The following ARHGAP28 variants were observed in gnomAD, a reference collection of about 807,000 sequenced individuals.
ARHGAP28 encodes rho GTPase-activating protein 28.
ARHGAP28 carries 56 observed loss-of-function variants against 90.7 expected under a neutral mutation model. The observed-to-expected ratio is 0.62, with a 90% CI of 0.50 to 0.77. ARHGAP28 has a LOEUF of 0.77. Among genes scored for constraint, ARHGAP28 ranks in the 30% least tolerant of loss-of-function variants. The probability of loss-of-function intolerance (pLI) is 0.00; values close to 1 mark genes in which losing one functional copy is unlikely to be tolerated. For missense variants in ARHGAP28, 869 were observed against 900.9 expected, an observed-to-expected ratio of 0.96 and a Z score of 0.45; for synonymous variants, 308 against 323.3, an observed-to-expected ratio of 0.95 and a Z score of 0.51.
At position 6,870,843 on chromosome 18, in the gene ARHGAP28, C is replaced by T. The variant is rs557067661; in HGVS notation, c.954+111C>T. On this transcript the variant is annotated intron_variant, in intron 7 of 17. Transcript: ENST00000383472. ...GAGACGGAGTCTCGCTCTATTGCCCCAGGCTGGAGTGCAGTGGCGCGATCT... is the reference window on the plus strand; with the variant it reads ...GAGACGGAGTCTCGCTCTATTGCCCTAGGCTGGAGTGCAGTGGCGCGATCT... 2.9e-4 allele frequency: 347 copies of T among 1,201,728 alleles called. 1 individual carries two copies. Among genetic ancestry groups the T allele is most frequent in the South Asian group, 2.2e-3 (144 of 64,866 alleles). The allele number at this position is 1,201,728 out of a possible 1,614,324, so 74.4% of individuals were successfully genotyped here. A position where few individuals can be genotyped will look rare whatever the true frequency, so the allele number is the denominator to read the frequency against.
chr18:6,873,496 CTGAT>C lies in ARHGAP28; in HGVS notation c.1046_1049del (p.Ile349AsnfsTer2), dbSNP rs2057105836. The C allele has an allele frequency of 6.2e-7, 1 of 1,614,206 alleles. No homozygotes were observed. Among genetic ancestry groups the C allele is most frequent in the South Asian group, 1.1e-5 (1 of 91,084 alleles). On this transcript the variant is annotated frameshift_variant, in exon 8 of 18. Transcript: ENST00000383472. LOFTEE classifies it high-confidence loss of function. ...CATGAAGAAAATCCGCCATCTCTCT[CTGAT>C]TGAATTGACTGCCTTTTTTGATGCC... is the stretch of plus-strand genomic sequence containing the variant.
At chr18:6,854,339 A>G (rs1165371377) in intron 4 of ARHGAP28, among the ~76,000 whole-genome samples, 1 of 152,056 alleles carries the variant, frequency 6.6e-6, no homozygotes, top group Non-Finnish European at 1.5e-5. Context: ...TTTAAATTTT[A>G]TAAGTTTTGA....
rs2057304751 is a variant in ARHGAP28 at position 6,896,392 on chromosome 18, T to C, written c.1906-110T>C. The C allele has an allele frequency of 4.1e-6, 5 of 1,221,186 alleles. No individual in the cohort carries two copies. The South Asian group carries it at 7.5e-5, about 18-fold the overall frequency. 75.6% of individuals were successfully genotyped at this position (1,221,186 alleles called of 1,614,324 possible). On this transcript the variant is annotated intron_variant, in intron 15 of 17. Coordinates refer to ENST00000383472, the MANE Select transcript of ARHGAP28 (RefSeq NM_001366230.1). The stretch of plus-strand genomic sequence containing the variant: ...TTCTGGTTAATGTTGATCATAGTGA[T>C]GTGTTTTCCTAATTCAGAGTAGCAC...
intron 5 of ARHGAP28, among the ~76,000 whole-genome samples, chr18:6,867,594 A>T (rs930308732): frequency 2.0e-5 from 3 of 152,144 alleles, no homozygotes; most frequent in Non-Finnish European, 2.9e-5. Flanking sequence ...ATTTCAATTT[A>T]AAAAATACCA....
intron 5 of ARHGAP28, among the ~76,000 whole-genome samples, chr18:6,864,266 A>G (rs763699512): frequency 2.0e-5 from 3 of 152,022 alleles, no homozygotes; most frequent in Non-Finnish European, 4.4e-5. Flanking sequence ...GGGTTTCACC[A>G]TATTAGCCAG....
chr18:6,782,206 G>A (rs532681098), intron 1 of ARHGAP28, among the ~76,000 whole-genome samples: 2 of 152,088 alleles, frequency 1.3e-5, no homozygotes, highest in South Asian at 2.1e-4. Context: ...TTTAGGGAGT[G>A]GGGGGTTGAG....
chr18:6,851,395 C>T (rs1033068219), intron 4 of ARHGAP28, among the ~76,000 whole-genome samples: 5 of 151,972 alleles, frequency 3.3e-5, no homozygotes, highest in African/African-American at 1.2e-4. Context: ...TTCTAGATAC[C>T]CTATAGAATG....
intron 1 of ARHGAP28, among the ~76,000 whole-genome samples, chr18:6,782,651 T>C (rs1600179005): frequency 7.7e-6 from 1 of 129,212 alleles, no homozygotes; most frequent in South Asian, 2.8e-4. Context: ...GGTTTCACCA[T>C]GTTGACCAGG....
chr18:6,869,253 CTTTTTTTTTTTTTTT>C (rs61280250), intron 6 of ARHGAP28, among the ~76,000 whole-genome samples: 1 of 68,040 alleles, frequency 1.5e-5, no homozygotes, highest in South Asian at 5.9e-4. Context: ...TTTTGCCATT[CTTTTTTTTTTTTTTT>C]TTTTTTTTTG....
intron 4 of ARHGAP28, among the ~76,000 whole-genome samples, chr18:6,859,161 G>T (rs2143373814): frequency 6.6e-6 from 1 of 152,106 alleles, no homozygotes; most frequent in Non-Finnish European, 1.5e-5. Flanking sequence ...CATAGAATCT[G>T]CTAAAAAAAA....
chr18:6,844,855 G>A (rs577028670), intron 3 of ARHGAP28, among the ~76,000 whole-genome samples: 2 of 152,194 alleles, frequency 1.3e-5, no homozygotes, highest in African/African-American at 4.8e-5. Context: ...TTAAACTCAG[G>A]AATAAATAAA....
chr18:6,735,548 T>C (rs1159038673), intron 1 of ARHGAP28, among the ~76,000 whole-genome samples: 1 of 146,310 alleles, frequency 6.8e-6, no homozygotes, highest in Admixed American at 6.8e-5. Flanking sequence ...TAAATTAAGG[T>C]TATGCTGTTT....
At chr18:6,895,824 G>A (rs1208216820) in intron 15 of ARHGAP28, among the ~76,000 whole-genome samples, 1 of 152,204 alleles carries the variant, frequency 6.6e-6, no homozygotes, top group Admixed American at 6.5e-5. Context: ...GGGAGACACA[G>A]TTCAAACCAT....
At chr18:6,835,627 G>A (rs1414873612) in intron 2 of ARHGAP28, among the ~76,000 whole-genome samples, 1 of 152,100 alleles carries the variant, frequency 6.6e-6, no homozygotes, top group Non-Finnish European at 1.5e-5. Context: ...CCTCACTTGG[G>A]TAATGCCTCC....
chr18:6,747,564 T>C (rs978872272), intron 1 of ARHGAP28, among the ~76,000 whole-genome samples: 5 of 152,162 alleles, frequency 3.3e-5, no homozygotes, highest in African/African-American at 4.8e-5. Flanking sequence ...ATAGATGCCA[T>C]ATAGTCTATT....
rs2057417589 is a variant in ARHGAP28 at position 6,915,439 on chromosome 18, A to T, written c.*3285A>T. On this transcript the variant is annotated 3_prime_UTR_variant, in exon 18 of 18. Coordinates refer to ENST00000383472, the MANE Select transcript of ARHGAP28 (RefSeq NM_001366230.1). ...TTTTTAACTGTTTTCCACAAATAAA[A>T]ATAATATGTCATGGGATTAAAATGT... 1 of 152,234 alleles carries T rather than the reference A, an allele frequency of 6.6e-6. No homozygotes were observed. Among genetic ancestry groups the T allele is most frequent in the South Asian group, 2.1e-4 (1 of 4,838 alleles). 9.4% of individuals were successfully genotyped at this position (152,234 alleles called of 1,614,324 possible).
At chr18:6,827,143 C>T (rs1196106805) in intron 2 of ARHGAP28, among the ~76,000 whole-genome samples, 7 of 152,216 alleles carry the variant, frequency 4.6e-5, no homozygotes, top group South Asian at 4.1e-4. Context: ...CACCTTTCCC[C>T]GCTTTCTATT....
chr18:6,782,231 T>C (rs1201196763), intron 1 of ARHGAP28, among the ~76,000 whole-genome samples: 2 of 152,104 alleles, frequency 1.3e-5, no homozygotes, highest in Non-Finnish European at 2.9e-5. Context: ...TGAGATAACC[T>C]TGTTTTCTAG....
intron 3 of ARHGAP28, among the ~76,000 whole-genome samples, chr18:6,841,210 T>TCTCTCTC (rs2056822732): frequency 2.1e-5 from 2 of 94,372 alleles, no homozygotes; most frequent in East Asian, 3.1e-4. Context: ...TCTCCTCTCC[T>TCTCTCTC]CTCTCTCTCT....
Sources: allele counts gnomAD v4.1 joint callset (sites outside exome capture counted in the v4.1 genomes callset), GRCh38; gene constraint gnomAD v4.1.1; transcripts MANE v1.5; gene names NCBI Gene and HGNC (gene_info 2026-07-23, HGNC 2026-07-21).